SDK2: variants seen among roughly 807,000 people sequenced by gnomAD.
SDK2 encodes sidekick cell adhesion molecule 2, also known as protein sidekick-2.
In SDK2, 105 loss-of-function variants were observed where a neutral mutation model predicts 253.9. That is an observed-to-expected ratio of 0.41 (90% CI 0.35 to 0.49). The LOEUF is 0.49. Among genes scored for constraint, SDK2 ranks in the 20% least tolerant of loss-of-function variants. The probability of loss-of-function intolerance (pLI) is 0.06; values close to 1 mark genes in which losing one functional copy is unlikely to be tolerated. For missense variants in SDK2, 2,608 were observed against 3,003.0 expected (o/e 0.87, Z 3.07); for synonymous variants, 1,249 against 1,234.9 (o/e 1.01, Z -0.24).
intron 1 of SDK2, among the ~76,000 whole-genome samples, chr17:73,572,773 C>A (rs1436016652): frequency 6.6e-6 from 1 of 152,170 alleles, no homozygotes; most frequent in Admixed American, 6.5e-5. Context: ...CTATCATTGA[C>A]CCCTTCTGTG....
intron 44 of SDK2, among the ~76,000 whole-genome samples, chr17:73,341,672 C>T (rs954002417): frequency 2.0e-5 from 3 of 152,170 alleles, no homozygotes; most frequent in Non-Finnish European, 4.4e-5. Flanking sequence ...GAGTGGGGAC[C>T]TTTGTCCAGA....
intron 44 of SDK2, among the ~76,000 whole-genome samples, chr17:73,339,464 C>G (rs1475108941): frequency 6.6e-6 from 1 of 151,938 alleles, no homozygotes; most frequent in East Asian, 1.9e-4. Flanking sequence ...TCAAGTGATC[C>G]ACCCGCTTCA....
rs1299752276 is a variant in SDK2 at position 73,379,194 on chromosome 17, C to T, written c.4963G>A (p.Asp1655Asn). ...CACCCTACCTTGTACCCCTGGATGT[C>T]TCCATTCTGGCTGTCCAGCGGAGGT... is the stretch of plus-strand genomic sequence containing the variant. ...EPPPLDSQNG[D>N]IQGYKIYFWE... is the part of the protein sequence containing the mutation. The change falls in exon 36 of 45, where the codon GAC (aspartate) becomes AAC (asparagine). Residue 1655 changes from aspartate (D) to asparagine (N), a missense_variant. This residue lies in a region of SDK2 where 1,103 missense variants were observed against 1,143.9 expected (regional missense o/e 0.96). Transcript: ENST00000392650. This position sits in a 1 kb window ranked among gnomAD's most constrained non-coding sequence, Gnocchi z 4.5. 2 of 1,557,608 alleles carry T rather than the reference C, an allele frequency of 1.3e-6. No individual in the cohort carries two copies. Among genetic ancestry groups the T allele is most frequent in the Non-Finnish European group, 1.7e-6 (2 of 1,150,122 alleles).
intron 1 of SDK2, among the ~76,000 whole-genome samples, chr17:73,537,200 A>G (rs995118321): frequency 2.6e-5 from 4 of 152,206 alleles, no homozygotes; most frequent in Non-Finnish European, 5.9e-5. Context: ...CAAAGAGACG[A>G]TGGATTGTGA....
chr17:73,446,209 G>A lies in SDK2; in HGVS notation c.613+1406C>T, dbSNP rs559164886. Among the ~76,000 whole-genome samples the A allele has an allele frequency of 2.0e-5, 3 of 152,230 alleles. No homozygotes were observed. In the South Asian group the frequency reaches 6.2e-4, roughly 32 times the overall value. The stretch of plus-strand genomic sequence containing the variant: ...GATTCCATGAGACTCCAGGGAATCT[G>A]ATCACTAGAAAATATATGGGGAGAA... On this transcript the variant is annotated intron_variant, in intron 5 of 44. Coordinates refer to ENST00000392650, the MANE Select transcript of SDK2 (RefSeq NM_001144952.2).
chr17:73,524,318 G>A (rs2064107890), intron 1 of SDK2, among the ~76,000 whole-genome samples: 1 of 152,206 alleles, frequency 6.6e-6, no homozygotes, highest in Admixed American at 6.5e-5. Flanking sequence ...AGAGGCTGGA[G>A]CTTTCTGGCA....
chr17:73,400,465 G>C (rs2063012907), intron 21 of SDK2, among the ~76,000 whole-genome samples: 1 of 152,186 alleles, frequency 6.6e-6, no homozygotes, highest in Non-Finnish European at 1.5e-5. Flanking sequence ...GGGGAAATGA[G>C]ACAAGGCAGG....
At chr17:73,637,069 C>T (rs571452637) in intron 1 of SDK2, among the ~76,000 whole-genome samples, 5 of 152,258 alleles carry the variant, frequency 3.3e-5, no homozygotes, top group Admixed American at 1.3e-4. Context: ...CTATACATAC[C>T]ACTTCTTAAC....
At chr17:73,394,990 G>T (rs2062958226) in intron 25 of SDK2, among the ~76,000 whole-genome samples, 165 bp downstream of exon 25, 1 of 152,194 alleles carries the variant, frequency 6.6e-6, no homozygotes, top group Admixed American at 6.5e-5. Context: ...GGCAGGTGCT[G>T]GGAGAGGCGG....
intron 12 of SDK2, among the ~76,000 whole-genome samples, chr17:73,427,536 T>C (rs2063292689): frequency 6.6e-6 from 1 of 151,268 alleles, no homozygotes; most frequent in Non-Finnish European, 1.5e-5. Flanking sequence ...CTCTGTCTTC[T>C]AGAACCTGGT....
intron 1 of SDK2, among the ~76,000 whole-genome samples, chr17:73,586,871 T>C (rs2045609723): frequency 6.6e-6 from 1 of 152,196 alleles, no homozygotes; most frequent in Non-Finnish European, 1.5e-5. Flanking sequence ...ATTTTAGAGA[T>C]GGAAAAACTA....
Position 73,335,298 on chromosome 17 carries a change from C to T in SDK2, c.*3289G>A, listed in dbSNP as rs932664419. ...CCAGCATGGGCTCCTGGGTGCAACA[C>T]TGGGAGATTGCTTAGGGCACAAGGA... On this transcript the variant is annotated 3_prime_UTR_variant, in exon 45 of 45. Transcript: ENST00000392650. 6.6e-6 allele frequency: 1 copy of T among 152,416 alleles called. No individual in the cohort carries two copies. Among genetic ancestry groups the T allele is most frequent in the Non-Finnish European group, 1.5e-5 (1 of 68,200 alleles). 9.4% of individuals were successfully genotyped at this position (152,416 alleles called of 1,614,324 possible).
intron 1 of SDK2, among the ~76,000 whole-genome samples, chr17:73,619,747 C>A (rs914225128): frequency 1.3e-5 from 2 of 152,050 alleles, no homozygotes; most frequent in African/African-American, 4.8e-5. Flanking sequence ...AAATTAAAAT[C>A]TTTTGTGTAT....
intron 18 of SDK2, among the ~76,000 whole-genome samples, chr17:73,409,831 CTG>C (rs2063111013): frequency 1.4e-5 from 1 of 69,682 alleles, no homozygotes; most frequent in African/African-American, 5.5e-5. Context: ...CTCTCTCTCT[CTG>C]TGTCTGTCTG....
intron 1 of SDK2, among the ~76,000 whole-genome samples, chr17:73,592,770 G>T (rs539507554): frequency 2.1e-4 from 32 of 152,206 alleles, no homozygotes; most frequent in Non-Finnish European, 3.8e-4. Context: ...AGGAGGACAG[G>T]AACGGAGGTC....
intron 2 of SDK2, chr17:73,504,306 AAG>A (rs71998765): frequency 0.63 from 83,683 of 132,648 alleles, 25,703 homozygotes; most frequent in Non-Finnish European, 0.68. Context: ...GAGAGAGGGA[AAG>A]AGAGAGAGAG....
At chr17:73,483,701 ATATATAT>A (rs1388946919) in intron 2 of SDK2, among the ~76,000 whole-genome samples, 40 of 63,090 alleles carry the variant, frequency 6.3e-4, no homozygotes, top group African/African-American at 2.2e-3. Flanking sequence ...ATATATATAT[ATATATAT>A]TTTTTTTTTT....
chr17:73,627,735 G>A (rs183873220), intron 1 of SDK2, among the ~76,000 whole-genome samples: 6 of 152,312 alleles, frequency 3.9e-5, no homozygotes, highest in African/African-American at 1.4e-4. Flanking sequence ...CCTCGAGTGT[G>A]AGGATGTTTT....
chr17:73,545,743 G>T (rs2044953136), intron 1 of SDK2, among the ~76,000 whole-genome samples: 1 of 152,294 alleles, frequency 6.6e-6, no homozygotes, highest in South Asian at 2.1e-4. Context: ...TCTCAGGAGG[G>T]TGACCCAGCG....
Sources: allele counts gnomAD v4.1 joint callset (sites outside exome capture counted in the v4.1 genomes callset), GRCh38; gene constraint gnomAD v4.1.1; regional missense constraint gnomAD v4.1.1; non-coding constraint Gnocchi (gnomAD v3.1); transcripts MANE v1.5; gene names NCBI Gene and HGNC (gene_info 2026-07-23, HGNC 2026-07-21).